The following DLC1 variants were observed in gnomAD, a reference collection of about 807,000 sequenced individuals.
DLC1 encodes the protein rho GTPase-activating protein 7.
A neutral mutation model predicts 140.3 loss-of-function variants in DLC1; 54 were observed. The ratio of observed to expected loss-of-function variants is 0.38; its 90% CI spans 0.31 to 0.48. DLC1 has a LOEUF of 0.48. Among genes scored for constraint, DLC1 ranks in the 20% least tolerant of loss-of-function variants. The pLI is 0.96. For synonymous variants in DLC1, 986 were observed against 728.1 expected (o/e 1.35, Z -5.70); for missense variants, 2,536 against 1,907.0 (o/e 1.33, Z -6.14).
At chr8:13,117,699 A>G (rs566273449) in intron 5 of DLC1, among the ~76,000 whole-genome samples, 230 of 152,374 alleles carry the variant, frequency 1.5e-3, no homozygotes, top group African/African-American at 5.4e-3. Flanking sequence ...ATTTAACTTA[A>G]TAAGTGGTGA....
intron 5 of DLC1, among the ~76,000 whole-genome samples, chr8:13,288,074 A>G (rs547866227): frequency 6.6e-6 from 1 of 152,292 alleles, no homozygotes; most frequent in East Asian, 1.9e-4. Context: ...CTCAGTTTTT[A>G]GAAGTGTATC....
chr8:13,361,326 C>G (rs1253787339), intron 4 of DLC1, among the ~76,000 whole-genome samples: 1 of 152,052 alleles, frequency 6.6e-6, no homozygotes, highest in Non-Finnish European at 1.5e-5. Flanking sequence ...ATCTTAATAG[C>G]TCACTGTAGC....
chr8:13,453,542 A>T (rs1487950339), intron 2 of DLC1, among the ~76,000 whole-genome samples: 5 of 41,244 alleles, frequency 1.2e-4, no homozygotes, highest in Admixed American at 3.0e-4. Flanking sequence ...ATATATACAT[A>T]TATATATATA....
chr8:13,351,229 T>C (rs1043598583), intron 4 of DLC1, among the ~76,000 whole-genome samples: 1 of 152,200 alleles, frequency 6.6e-6, no homozygotes, highest in African/African-American at 2.4e-5. Context: ...AATTGATTCA[T>C]TTATCCCTAC....
intron 4 of DLC1, among the ~76,000 whole-genome samples, chr8:13,389,151 TG>T (rs1193911467): frequency 6.6e-6 from 1 of 152,236 alleles, no homozygotes; most frequent in East Asian, 1.9e-4. Context: ...TCTTGTTTTC[TG>T]GGGCTTGGCT....
intron 5 of DLC1, among the ~76,000 whole-genome samples, chr8:13,165,965 A>C (rs116701938): frequency 6.6e-6 from 1 of 152,244 alleles, no homozygotes; most frequent in Admixed American, 6.5e-5. Flanking sequence ...GGGGTACAGT[A>C]GTCGATACTA....
At chr8:13,567,812 C>T (rs554147664) in intron 1 of DLC1, 2 of 1,551,708 alleles carry the variant, frequency 1.3e-6, no homozygotes, top group African/African-American at 1.4e-5. Context: ...ATCAGATACT[C>T]TGGTTTTGAA....
intron 5 of DLC1, among the ~76,000 whole-genome samples, chr8:13,209,561 T>A (rs1280484425): frequency 6.6e-6 from 1 of 152,162 alleles, no homozygotes; most frequent in African/African-American, 2.4e-5. Context: ...CCTGCCCGAA[T>A]CTCATGTTGA....
At chr8:13,129,385 G>T (rs1207270472) in intron 5 of DLC1, among the ~76,000 whole-genome samples, 1 of 152,150 alleles carries the variant, frequency 6.6e-6, no homozygotes, top group Non-Finnish European at 1.5e-5. Context: ...AGGACACACT[G>T]GATATTTACA....
In DLC1 at chr8:13,401,467, C is replaced by T; in HGVS notation, c.1173+3G>A. On this transcript the variant is annotated splice_donor_region_variant and intron_variant, in intron 3 of 17. Transcript: ENST00000276297. ...GAAAAGAAGTAGAAAGTGGAAAGCTCACAGGAACGTGCCGCCGCAGGTTTG... is the reference window on the plus strand; with the variant it reads ...GAAAAGAAGTAGAAAGTGGAAAGCTTACAGGAACGTGCCGCCGCAGGTTTG... 6.2e-7 allele frequency: 1 copy of T among 1,611,914 alleles called. No individual in the cohort carries two copies.
At chr8:13,491,105 T>A (rs1272627481) in intron 2 of DLC1, among the ~76,000 whole-genome samples, 2 of 148,304 alleles carry the variant, frequency 1.3e-5, no homozygotes, top group African/African-American at 2.4e-5. Flanking sequence ...TAATATTTTT[T>A]ATATATATAT....
chr8:13,121,292 G>A (rs574238386), intron 5 of DLC1, among the ~76,000 whole-genome samples: 3 of 152,204 alleles, frequency 2.0e-5, no homozygotes, highest in East Asian at 1.9e-4. Flanking sequence ...TCTCCTCCCC[G>A]TGGTGACAAA....
intron 2 of DLC1, among the ~76,000 whole-genome samples, chr8:13,425,881 A>G (rs1305676151): frequency 2.0e-5 from 3 of 152,146 alleles, no homozygotes; most frequent in Non-Finnish European, 2.9e-5. Context: ...CTCAGGCTCA[A>G]GTGATTGTCC....
At chr8:13,432,942 C>CTTTTTTT (rs35776848) in intron 2 of DLC1, among the ~76,000 whole-genome samples, 18 of 92,988 alleles carry the variant, frequency 1.9e-4, no homozygotes, top group East Asian at 3.7e-4. Context: ...TCCTCTCTTC[C>CTTTTTTT]TTTTTTTTTT....
At chr8:13,213,194 T>A (rs538749902) in intron 5 of DLC1, among the ~76,000 whole-genome samples, 1 of 152,306 alleles carries the variant, frequency 6.6e-6, no homozygotes, top group Admixed American at 6.5e-5. Context: ...CAGAATTTTC[T>A]TCAGACATTT....
intron 4 of DLC1, among the ~76,000 whole-genome samples, chr8:13,382,169 A>C (rs946251150): frequency 1.2e-4 from 18 of 152,164 alleles, no homozygotes; most frequent in Non-Finnish European, 2.9e-5. Flanking sequence ...GGAGATTTCC[A>C]GGCTTGGTTA....
At chr8:13,123,029 C>T (rs548025452) in intron 5 of DLC1, among the ~76,000 whole-genome samples, 1 of 152,254 alleles carries the variant, frequency 6.6e-6, no homozygotes, top group South Asian at 2.1e-4. Context: ...GACACAAGCT[C>T]CTGACTTGAA....
chr8:13,421,490 G>A (rs927885316), intron 2 of DLC1, among the ~76,000 whole-genome samples: 122 of 152,138 alleles, frequency 8.0e-4, no homozygotes, highest in African/African-American at 2.8e-3. Flanking sequence ...ATTAAAAAAA[G>A]TCAAAGTTCC....
intron 2 of DLC1, among the ~76,000 whole-genome samples, chr8:13,448,369 C>CTTCTTCTTCT (rs760341572): frequency 1.3e-4 from 19 of 143,840 alleles, no homozygotes; most frequent in Non-Finnish European, 2.3e-4. Flanking sequence ...TCTTCTTCTT[C>CTTCTTCTTCT]TTTTTTTTTT....
Sources: gnomAD v4.1 joint callset for allele counts (sites outside exome capture counted in the v4.1 genomes callset) on GRCh38, gnomAD v4.1.1 for gene constraint, MANE v1.5 for transcripts, NCBI Gene and HGNC (gene_info 2026-07-23, HGNC 2026-07-21) for gene names.